The following TEKT1 variants were observed in gnomAD, a reference collection of about 807,000 sequenced individuals.
TEKT1 encodes tektin-1.
Under a neutral mutation model 34.8 loss-of-function variants are expected in TEKT1, and 32 were observed. The ratio of observed to expected loss-of-function variants is 0.92; its 90% confidence interval spans 0.69 to 1.23. The LOEUF (loss-of-function observed/expected upper bound fraction) is 1.23, where lower values mean the gene tolerates loss of function less well. Among genes scored for constraint, TEKT1 ranks in the 50% most tolerant of loss-of-function variants. TEKT1 has a pLI of 0.00. For missense variants in TEKT1, 492 were observed against 518.5 expected (o/e 0.95, Z 0.50); for synonymous variants, 207 against 199.8 (o/e 1.04, Z -0.30).
At position 6,799,035 on chromosome 17, in the gene TEKT1, A is replaced by G. The variant is rs1043594888; in HGVS notation, c.*992T>C. 5 of 152,328 alleles carry G rather than the reference A, an allele frequency of 3.3e-5. No individual in the cohort carries two copies. The highest frequency in any genetic ancestry group is 5.9e-5 in the Non-Finnish European group (4 of 68,036). 9.4% of individuals were successfully genotyped at this position (152,328 alleles called of 1,614,324 possible). A position where few individuals can be genotyped will look rare whatever the true frequency, so the allele number is the denominator to read the frequency against. On this transcript the variant is annotated 3_prime_UTR_variant, in exon 8 of 8. Transcript: ENST00000338694. ...GAGATGGTAAGCCTCGTCCATGGAA[A>G]GTGTTCCTTCAATGTTAGCGGAATA...
chr17:6,818,241 G>A (rs1394995054), intron 3 of TEKT1, among the ~76,000 whole-genome samples: 2 of 152,094 alleles, frequency 1.3e-5, no homozygotes, highest in Admixed American at 6.6e-5. Context: ...TAAGCATGGC[G>A]GTGACCGGGA....
intron 6 of TEKT1, among the ~76,000 whole-genome samples, chr17:6,807,173 A>C (rs1007519502): frequency 1.3e-5 from 2 of 152,062 alleles, no homozygotes; most frequent in Admixed American, 6.6e-5. Flanking sequence ...GTTTCTTTTC[A>C]TTCTTTTTTC....
rs3744395 is a variant in TEKT1, at chr17:6,812,923, G to T, written c.760C>A (p.Arg254Ser). 6.2e-7 allele frequency: 1 copy of T among 1,613,848 alleles called. No individual in the cohort carries two copies. Among genetic ancestry groups the T allele is most frequent in the Non-Finnish European group, 8.5e-7 (1 of 1,179,938 alleles). Residue 254 changes from arginine (R) to serine (S), a missense_variant, in exon 6 of 8, where the codon CGC (arginine) becomes AGC (serine). By Grantham distance (110) the Arg-to-Ser change is moderately radical. Coordinates refer to ENST00000338694, the MANE Select transcript of TEKT1 (RefSeq NM_053285.2). ...GTGTCCACCACATCACACTGCTTGCGCAGATCATTGGCTGTCTGGGACAGG... is the reference window on the plus strand; with the variant it reads ...GTGTCCACCACATCACACTGCTTGCTCAGATCATTGGCTGTCTGGGACAGG... ...RILSQTANDL[R>S]KQCDVVDTAF...
At chr17:6,813,987 C>T (rs1190414322) in intron 5 of TEKT1, among the ~76,000 whole-genome samples, 1 of 140,210 alleles carries the variant, frequency 7.1e-6, no homozygotes, top group Non-Finnish European at 1.5e-5. Context: ...TCGGATCACT[C>T]ATTATGGGAG....
intron 6 of TEKT1, among the ~76,000 whole-genome samples, chr17:6,807,577 T>G (rs1976863772): frequency 6.6e-6 from 1 of 152,176 alleles, no homozygotes; most frequent in African/African-American, 2.4e-5. Flanking sequence ...TACTGCTCTG[T>G]TTTTTCCCCA....
chr17:6,826,234 G>A (rs780208366), intron 2 of TEKT1, among the ~76,000 whole-genome samples: 2 of 152,094 alleles, frequency 1.3e-5, no homozygotes, highest in Non-Finnish European at 2.9e-5. Flanking sequence ...CATGTTCGTC[G>A]GCTGTTTGAA....
rs1263235723 is a variant in TEKT1 at position 6,800,730 on chromosome 17, A to G, written c.1049+17T>C. 6.2e-7 allele frequency: 1 copy of G among 1,602,588 alleles called. No individual in the cohort carries two copies. The highest frequency in any genetic ancestry group is 2.2e-5 in the East Asian group (1 of 44,604). ...ATTGAGACCCGAAGGCCCTCTGCCC[A>G]CTGGCTGCTAGCCTACCTTGCGACA... On this transcript the variant is annotated intron_variant, in intron 7 of 7. Transcript: ENST00000338694.
Position 6,812,849 on chromosome 17 carries a change from C to CA in TEKT1, c.833dup (p.Ala279GlyfsTer2), listed in dbSNP as rs1451010644. ...ACCTCACCTTGGCCAGATGATCAGC[C>CA]AGCTTGTCCCTGGCATCCTTTGTAT... On this transcript the variant is annotated frameshift_variant, in exon 6 of 8. Coordinates refer to ENST00000338694, the MANE Select transcript of TEKT1 (RefSeq NM_053285.2). LOFTEE classifies it high-confidence loss of function. 4.3e-6 allele frequency: 7 copies of CA among 1,613,882 alleles called. No individual in the cohort carries two copies. The highest frequency in any genetic ancestry group is 5.9e-6 in the Non-Finnish European group (7 of 1,179,920).
intron 6 of TEKT1, among the ~76,000 whole-genome samples, chr17:6,804,996 T>G (rs1179244586): frequency 6.6e-6 from 1 of 152,198 alleles, no homozygotes; most frequent in African/African-American, 2.4e-5. Flanking sequence ...TTAGGGAGGA[T>G]TCCATCTTTT....
At chr17:6,801,596 TACTC>T (rs1049378513) in intron 6 of TEKT1, among the ~76,000 whole-genome samples, 5 of 151,948 alleles carry the variant, frequency 3.3e-5, no homozygotes, top group Admixed American at 1.3e-4. Context: ...TAATCCCAGA[TACTC>T]AGGAGGCTGA....
At chr17:6,803,071 A>G (rs892719998) in intron 6 of TEKT1, among the ~76,000 whole-genome samples, 6 of 152,018 alleles carry the variant, frequency 3.9e-5, no homozygotes, top group Non-Finnish European at 5.9e-5. Context: ...TTACAGTCCC[A>G]CCAACAGTGT....
Position 6,810,856 on chromosome 17 carries a change from A to G in TEKT1, c.852+1975T>C, listed in dbSNP as rs527286146. On this transcript the variant is annotated intron_variant, in intron 6 of 7. Coordinates refer to ENST00000338694, the MANE Select transcript of TEKT1 (RefSeq NM_053285.2). The stretch of plus-strand genomic sequence containing the variant: ...CAGGTTCAAGCGATTCTCCTGCCTC[A>G]GCCTCCCGAGTAGCTGTGATTACAG... Among the ~76,000 whole-genome samples the G allele has an allele frequency of 5.3e-5, 8 of 152,258 alleles. No individual in the cohort carries two copies. The South Asian group carries it at 8.3e-4, about 16-fold the overall frequency.
chr17:6,816,058 T>C, intron 3 of TEKT1, 96 bp from the exon 4 acceptor site: 2 of 1,506,982 alleles, frequency 1.3e-6, no homozygotes. Context: ...TCTGCACGAC[T>C]GATTTGAGTG....
chr17:6,830,532 G>C, intron 1 of TEKT1, 139 bp from the exon 2 acceptor site: 1 of 639,672 alleles, frequency 1.6e-6, no homozygotes, highest in Non-Finnish European at 2.5e-6. Context: ...CTGTGTAGCC[G>C]GCACCCAAAC....
Position 6,798,668 on chromosome 17 carries a change from G to A in TEKT1, c.*1359C>T, listed in dbSNP as rs1319621270. The A allele has an allele frequency of 6.6e-6, 1 of 152,200 alleles. No homozygotes were observed. Among genetic ancestry groups the A allele is most frequent in the Non-Finnish European group, 1.5e-5 (1 of 68,068 alleles). The allele number at this position is 152,200 out of a possible 1,614,324, so 9.4% of individuals were successfully genotyped here. A position where few individuals can be genotyped will look rare whatever the true frequency, so the allele number is the denominator to read the frequency against. ...AAAGGGGGTTTCTCCATCCCAGATT[G>A]GGAACATCCCTTTCTGATGGCAAAG... On this transcript the variant is annotated 3_prime_UTR_variant, in exon 8 of 8. Transcript: ENST00000338694.
At chr17:6,813,094 G>T in intron 5 of TEKT1, 41 bp from the exon 6 acceptor site, 2 of 1,569,028 alleles carry the variant, frequency 1.3e-6, no homozygotes, top group South Asian at 1.1e-5. Flanking sequence ...CATATTTGGG[G>T]TGGGGAAGGG....
chr17:6,812,909 A>G lies in TEKT1; in HGVS notation c.774T>C (p.Asp258=). The G allele has an allele frequency of 6.2e-7, 1 of 1,614,216 alleles. No individual in the cohort carries two copies. The highest frequency in any genetic ancestry group is 1.1e-5 in the South Asian group (1 of 91,090). ...QTANDLRKQC[D]VVDTAFKNGL... is the part of the protein sequence containing the mutation. ...CATTCTTGAATGCCGTGTCCACCAC[A>G]TCACACTGCTTGCGCAGATCATTGG... The change falls in exon 6 of 8, where the codon GAT becomes GAC. Residue 258 remains aspartate, a synonymous_variant. Transcript: ENST00000338694.
chr17:6,815,077 C>T, intron 5 of TEKT1, 86 bp downstream of exon 5: 1 of 1,510,574 alleles, frequency 6.6e-7, no homozygotes, highest in Non-Finnish European at 8.9e-7. Flanking sequence ...AAGCTCTCAG[C>T]CAGCTGCAAG....
intron 2 of TEKT1, among the ~76,000 whole-genome samples, chr17:6,819,746 G>C (rs764347524): frequency 3.3e-5 from 5 of 152,204 alleles, no homozygotes; most frequent in Non-Finnish European, 5.9e-5. Flanking sequence ...GGAGTGCAGT[G>C]GTGCAATCTC....
Sources: allele counts gnomAD v4.1 joint callset (sites outside exome capture counted in the v4.1 genomes callset), GRCh38; gene constraint gnomAD v4.1.1; transcripts MANE v1.5; gene names NCBI Gene and HGNC (gene_info 2026-07-23, HGNC 2026-07-21).